The following TMEM132D variants were observed in gnomAD, a reference collection of about 807,000 sequenced individuals.
TMEM132D encodes transmembrane protein 132D, also known as mature OL transmembrane protein.
TMEM132D carries 21 observed loss-of-function variants against 62.3 expected under a neutral mutation model. The observed-to-expected ratio is 0.34, with a 90% CI of 0.24 to 0.49. The LOEUF is 0.49. TMEM132D is among the 20% of genes least tolerant of loss of function. TMEM132D has a pLI of 0.99. For synonymous variants in TMEM132D, 621 were observed against 575.6 expected (o/e 1.08, Z -1.13); for missense variants, 1,346 against 1,402.8 (o/e 0.96, Z 0.65).
intron 1 of TMEM132D, chr12:129,853,362 G>A (rs768765022): frequency 6.6e-6 from 1 of 152,256 alleles, no homozygotes; most frequent in African/African-American, 2.4e-5. Flanking sequence ...CCAGGAACAA[G>A]AGGCCGTTTG....
chr12:129,077,568 A>G (rs1330311678), intron 8 of TMEM132D, among the ~76,000 whole-genome samples: 1 of 150,110 alleles, frequency 6.7e-6, no homozygotes, highest in Non-Finnish European at 1.5e-5. Context: ...CACACAACAC[A>G]CATACACATA....
intron 2 of TMEM132D, among the ~76,000 whole-genome samples, chr12:129,636,422 T>A (rs769207044): frequency 6.6e-6 from 1 of 152,170 alleles, no homozygotes; most frequent in Non-Finnish European, 1.5e-5. Context: ...AGTGTTTATA[T>A]CTCTGTGTTA....
intron 2 of TMEM132D, among the ~76,000 whole-genome samples, chr12:129,642,947 G>T (rs183701610): frequency 1.8e-5 from 2 of 113,894 alleles, no homozygotes; most frequent in Admixed American, 2.0e-4. Flanking sequence ...TTTTTGAGAC[G>T]GAGTTTCACT....
chr12:129,213,635 G>T (rs907841042), intron 4 of TMEM132D, among the ~76,000 whole-genome samples: 1 of 152,178 alleles, frequency 6.6e-6, no homozygotes, highest in African/African-American at 2.4e-5. Context: ...GGAGGAGGGC[G>T]AAGGGAGCAG....
intron 4 of TMEM132D, among the ~76,000 whole-genome samples, chr12:129,211,313 T>A (rs566846744): frequency 6.6e-6 from 1 of 152,324 alleles, no homozygotes; most frequent in South Asian, 2.1e-4. Flanking sequence ...TGGGTGCTAG[T>A]TGCTGGTTAG....
intron 4 of TMEM132D, among the ~76,000 whole-genome samples, chr12:129,270,904 T>C (rs1663002594): frequency 6.6e-6 from 1 of 152,204 alleles, no homozygotes; most frequent in South Asian, 2.1e-4. Context: ...TGTTAAAAAA[T>C]GGTTGTTGTT....
intron 4 of TMEM132D, among the ~76,000 whole-genome samples, chr12:129,237,255 C>G (rs1456710640): frequency 6.6e-6 from 1 of 151,950 alleles, no homozygotes; most frequent in Non-Finnish European, 1.5e-5. Flanking sequence ...TTATTTTTCT[C>G]TTTTTGTCAT....
chr12:129,188,759 GAGGGAGAGA>G (rs1565991784), intron 5 of TMEM132D, among the ~76,000 whole-genome samples: 4 of 58,280 alleles, frequency 6.9e-5, no homozygotes, highest in East Asian at 1.1e-3. Context: ...GGGAGGGAGA[GAGGGAGAGA>G]GAGAGAGAGA....
At chr12:129,199,076 C>A (rs1010695846) in intron 5 of TMEM132D, among the ~76,000 whole-genome samples, 2 of 146,320 alleles carry the variant, frequency 1.4e-5, no homozygotes, top group African/African-American at 5.1e-5. Context: ...AATTTCTATT[C>A]TCATTGCTAT....
intron 3 of TMEM132D, among the ~76,000 whole-genome samples, chr12:129,452,477 A>G (rs981620444): frequency 6.6e-6 from 1 of 152,188 alleles, no homozygotes; most frequent in Non-Finnish European, 1.5e-5. Context: ...AAGGGGCTTC[A>G]TCCTTGTCAC....
intron 1 of TMEM132D, among the ~76,000 whole-genome samples, chr12:129,732,076 C>T (rs1276873150): frequency 1.3e-5 from 2 of 152,076 alleles, no homozygotes; most frequent in African/African-American, 4.8e-5. Context: ...TTCGTAGACT[C>T]CTGTAGAAAT....
At chr12:129,259,778 G>A (rs1396350652) in intron 4 of TMEM132D, among the ~76,000 whole-genome samples, 1 of 152,112 alleles carries the variant, frequency 6.6e-6, no homozygotes, top group Non-Finnish European at 1.5e-5. Context: ...GACTTGAAAA[G>A]TCACATTATT....
chr12:129,357,258 A>G (rs1248374744), intron 3 of TMEM132D, among the ~76,000 whole-genome samples: 1 of 151,048 alleles, frequency 6.6e-6, no homozygotes, highest in Non-Finnish European at 1.5e-5. Flanking sequence ...AAAAAAAAAA[A>G]AGAAAAGAAA....
chr12:129,556,161 G>A (rs979233373), intron 2 of TMEM132D, among the ~76,000 whole-genome samples: 2 of 152,098 alleles, frequency 1.3e-5, no homozygotes, highest in African/African-American at 2.4e-5. Flanking sequence ...AGTCAGTCCC[G>A]AGGCAGGTGC....
Position 129,779,771 on chromosome 12 carries a change from C to T in TMEM132D, c.80-79073G>A, listed in dbSNP as rs374785272. Among the ~76,000 whole-genome samples the T allele has an allele frequency of 4.6e-5, 7 of 152,132 alleles. No individual in the cohort carries two copies. The highest frequency in any genetic ancestry group is 1.9e-4 in the East Asian group (1 of 5,162). On this transcript the variant is annotated intron_variant, in intron 1 of 8. Transcript: ENST00000422113. The surrounding 1 kb of genome is among the most constrained non-coding windows in gnomAD (Gnocchi z 4.1). Reference sequence around the variant, plus strand: ...ATTCTGGGAACAGGATTTAAGGGGTCGCCTCCCCACTCAAACTCATGACGG... The same window carrying T: ...ATTCTGGGAACAGGATTTAAGGGGTTGCCTCCCCACTCAAACTCATGACGG...
intron 4 of TMEM132D, among the ~76,000 whole-genome samples, chr12:129,265,769 C>T (rs1880674676): frequency 6.6e-6 from 1 of 152,062 alleles, no homozygotes; most frequent in African/African-American, 2.4e-5. Flanking sequence ...CCCTCTCTTC[C>T]TTCACATGTC....
intron 2 of TMEM132D, among the ~76,000 whole-genome samples, chr12:129,631,193 GCTGT>G (rs1469536836): frequency 2.0e-5 from 3 of 152,306 alleles, no homozygotes; most frequent in Admixed American, 2.0e-4. Context: ...TCAGCCTGGA[GCTGT>G]CTGACATCAA....
intron 3 of TMEM132D, among the ~76,000 whole-genome samples, chr12:129,473,326 T>TTTG (rs1555259214): frequency 3.9e-5 from 5 of 127,912 alleles, no homozygotes; most frequent in South Asian, 5.5e-4. Flanking sequence ...TAGTTTTTGT[T>TTTG]TTTTTTTTTT....
In TMEM132D at chr12:129,460,769, G is replaced by A. The variant is rs189336311; in HGVS notation, c.1115+70290C>T. On this transcript the variant is annotated intron_variant, in intron 3 of 8. Coordinates refer to ENST00000422113, the MANE Select transcript of TMEM132D (RefSeq NM_133448.3). ...TTCTTATGTGTTTCTATGTGTGTGT[G>A]TGATTAGTCCTTATGCAATTCAGTT... is the stretch of plus-strand genomic sequence containing the variant. 3.6e-3 allele frequency among the ~76,000 whole-genome samples: 551 copies of A among 152,324 alleles called. 1 individual carries two copies. The highest frequency in any genetic ancestry group is 7.1e-3 in the Admixed American group (108 of 15,296).
Sources: gnomAD v4.1 joint callset for allele counts (sites outside exome capture counted in the v4.1 genomes callset) on GRCh38, gnomAD v4.1.1 for gene constraint, Gnocchi (gnomAD v3.1) non-coding constraint, MANE v1.5 for transcripts, NCBI Gene and HGNC (gene_info 2026-07-23, HGNC 2026-07-21) for gene names.